ALDH18A1: variants seen among roughly 807,000 people sequenced by gnomAD.
ALDH18A1 encodes the protein aldehyde dehydrogenase 18 family member A1, also known as delta-1-pyrroline-5-carboxylate synthase.
Under a neutral mutation model 88.8 loss-of-function variants are expected in ALDH18A1, and 44 were observed. That is an observed-to-expected ratio of 0.50 (90% confidence interval 0.39 to 0.64). The LOEUF is 0.64. Among genes scored for constraint, ALDH18A1 ranks in the 30% least tolerant of loss-of-function variants. ALDH18A1 has a pLI of 0.00. For missense variants in ALDH18A1, 782 were observed against 1,009.5 expected (o/e 0.77, Z 3.05); for synonymous variants, 331 against 372.1 (o/e 0.89, Z 1.27).
At chr10:95,628,617 C>T in intron 7 of ALDH18A1, 125 bp from the exon 8 acceptor site, 1 of 1,142,776 alleles carries the variant, frequency 8.8e-7, no homozygotes, top group Non-Finnish European at 1.3e-6. Flanking sequence ...GCACTACCAC[C>T]TGCTTTAACC....
At position 95,639,107 on chromosome 10, in the gene ALDH18A1, C is replaced by T. The variant is rs145282135; in HGVS notation, c.304-1671G>A. Among the ~76,000 whole-genome samples the T allele has an allele frequency of 1.6e-3, 245 of 152,022 alleles. 2 individuals carry two copies. The South Asian group carries it at 0.022, about 14-fold the overall frequency. Reference sequence around the variant, plus strand: ...AAAGTTTCAGCTGGCTGAGGTGGGACGACTGCTTGAGGCCAGGAATTCGAA... The same window carrying T: ...AAAGTTTCAGCTGGCTGAGGTGGGATGACTGCTTGAGGCCAGGAATTCGAA... On this transcript the variant is annotated intron_variant, in intron 3 of 17. Coordinates refer to ENST00000371224, the MANE Select transcript of ALDH18A1 (RefSeq NM_002860.4).
At chr10:95,656,153 G>T (rs1386070234) in intron 1 of ALDH18A1, among the ~76,000 whole-genome samples, 1 of 152,138 alleles carries the variant, frequency 6.6e-6, no homozygotes, top group South Asian at 2.1e-4. Context: ...GAGAGTCAGC[G>T]TGCGGCCAGC....
intron 2 of ALDH18A1, among the ~76,000 whole-genome samples, chr10:95,651,904 T>C (rs1306281495): frequency 6.6e-6 from 1 of 152,238 alleles, no homozygotes. Flanking sequence ...GAAAACTATG[T>C]TCACACAAAA....
At chr10:95,625,827 G>A (rs2097859623) in intron 10 of ALDH18A1, among the ~76,000 whole-genome samples, 1 of 152,004 alleles carries the variant, frequency 6.6e-6, no homozygotes, top group Non-Finnish European at 1.5e-5. Context: ...AGGAGATTAT[G>A]TAACTGTACA....
intron 1 of ALDH18A1, among the ~76,000 whole-genome samples, chr10:95,655,915 T>C (rs1295127695): frequency 6.6e-6 from 1 of 152,130 alleles, no homozygotes; most frequent in Non-Finnish European, 1.5e-5. Flanking sequence ...CACAAACACA[T>C]GCTCGGTATA....
intron 3 of ALDH18A1, among the ~76,000 whole-genome samples, chr10:95,638,664 C>T (rs1269774569): frequency 6.6e-6 from 1 of 152,104 alleles, no homozygotes; most frequent in Non-Finnish European, 1.5e-5. Context: ...ACACCAGGGG[C>T]ACATGCTGAC....
At chr10:95,619,057 T>C (rs886251849) in intron 12 of ALDH18A1, among the ~76,000 whole-genome samples, 1 of 152,170 alleles carries the variant, frequency 6.6e-6, no homozygotes, top group African/African-American at 2.4e-5. Context: ...CACACAATTG[T>C]CTTTGGGAAA....
At chr10:95,633,395 C>A in intron 6 of ALDH18A1, 96 bp downstream of exon 6, 1 of 1,485,928 alleles carries the variant, frequency 6.7e-7, no homozygotes, top group Non-Finnish European at 9.2e-7. Context: ...ACAACTTTTC[C>A]ATCTTGTTTA....
At chr10:95,656,009 G>GCCCA (rs946749451) in intron 1 of ALDH18A1, among the ~76,000 whole-genome samples, 1 of 152,034 alleles carries the variant, frequency 6.6e-6, no homozygotes, top group African/African-American at 2.4e-5. Context: ...GACGAGGTGG[G>GCCCA]GTATGTGGGT....
rs1364335448 is a variant in ALDH18A1, at chr10:95,620,946, A to G, written c.1467+85T>C. ...CTAGAACTTAAATTAAAAAAAAAAA[A>G]AAAGAAAAGAAAATATATTCTTCCT... is the stretch of plus-strand genomic sequence containing the variant. On this transcript the variant is annotated intron_variant, in intron 12 of 17. Transcript: ENST00000371224. The G allele has an allele frequency of 1.1e-5, 15 of 1,369,036 alleles. No homozygotes were observed. In the South Asian group the frequency reaches 1.2e-4, roughly 11 times the overall value. 84.8% of individuals were successfully genotyped at this position (1,369,036 alleles called of 1,614,324 possible). A position where few individuals can be genotyped will look rare whatever the true frequency, so the allele number is the denominator to read the frequency against.
At chr10:95,634,315 G>A (rs987002815) in intron 5 of ALDH18A1, among the ~76,000 whole-genome samples, 2 of 151,978 alleles carry the variant, frequency 1.3e-5, no homozygotes, top group East Asian at 1.9e-4. Flanking sequence ...TGTTGTCCAC[G>A]CTGGACTTGA....
In ALDH18A1 at chr10:95,631,817, G is replaced by T. The variant is rs376217592; in HGVS notation, c.808+1142C>A. Reference sequence around the variant, plus strand: ...CACATTAGAACCTTCATACAATGCTGGTGAGAATGTGAAATGGTACAAGGG... The same window carrying T: ...CACATTAGAACCTTCATACAATGCTTGTGAGAATGTGAAATGGTACAAGGG... On this transcript the variant is annotated intron_variant, in intron 7 of 17. Transcript: ENST00000371224. Among the ~76,000 whole-genome samples the T allele has an allele frequency of 5.0e-3, 763 of 151,568 alleles. 2 individuals are homozygous for T. The highest frequency in any genetic ancestry group is 0.017 in the Middle Eastern group (5 of 292).
chr10:95,628,681 C>T (rs1698401196), intron 7 of ALDH18A1, 189 bp from the exon 8 acceptor site: 1 of 639,316 alleles, frequency 1.6e-6, no homozygotes, highest in Non-Finnish European at 2.7e-6. Flanking sequence ...GAAGACTCAC[C>T]TTACATTATT....
intron 3 of ALDH18A1, among the ~76,000 whole-genome samples, chr10:95,642,002 GA>G (rs1168299133): frequency 6.6e-6 from 1 of 152,046 alleles, no homozygotes; most frequent in Admixed American, 6.6e-5. Flanking sequence ...ATTTAGAATA[GA>G]AAATATAAGA....
At chr10:95,645,538 A>T (rs2097899918) in intron 2 of ALDH18A1, among the ~76,000 whole-genome samples, 1 of 152,176 alleles carries the variant, frequency 6.6e-6, no homozygotes, top group Non-Finnish European at 1.5e-5. Context: ...TGGGAAGGCG[A>T]CTATGGGTTC....
chr10:95,649,895 A>G (rs1029356074), intron 2 of ALDH18A1, among the ~76,000 whole-genome samples: 58 of 151,768 alleles, frequency 3.8e-4, no homozygotes, highest in Non-Finnish European at 1.6e-4. Context: ...AATAAAAAAA[A>G]AAAACAAAGA....
Position 95,616,488 on chromosome 10 carries a change from C to A in ALDH18A1, c.1594G>T (p.Ala532Ser). ...EALSIHGVKEAVQLVNTREEV... is the reference protein window; with the variant it reads ...EALSIHGVKESVQLVNTREEV... ...TCCCAGGGACCTACCAGTTGCACGG[C>A]CTCCTTGACTCCATGGATTGAGAGA... Residue 532 changes from alanine (A) to serine (S), a missense_variant, in exon 13 of 18, where the codon GCC becomes TCC. Physicochemically the swap from Ala to Ser is moderately conservative, Grantham distance 99 (BLOSUM62 1). Transcript: ENST00000371224. 6.4e-7 allele frequency: 1 copy of A among 1,567,432 alleles called. No homozygotes were observed.
rs1026050234 is a variant in ALDH18A1, at chr10:95,622,933, T to G, written c.1247-1682A>C. 2.0e-5 allele frequency among the ~76,000 whole-genome samples: 3 copies of G among 152,120 alleles called. No homozygotes were observed. The South Asian group carries it at 6.2e-4, about 32-fold the overall frequency. On this transcript the variant is annotated intron_variant, in intron 11 of 17. Coordinates refer to ENST00000371224, the MANE Select transcript of ALDH18A1 (RefSeq NM_002860.4). Reference sequence around the variant, plus strand: ...TCTTCATATATATACATGTATATACTCAGGAAGACCATTTGAAATCATATA... The same window carrying G: ...TCTTCATATATATACATGTATATACGCAGGAAGACCATTTGAAATCATATA...
intron 11 of ALDH18A1, among the ~76,000 whole-genome samples, chr10:95,622,686 C>T (rs1282980745): frequency 3.3e-5 from 5 of 152,050 alleles, no homozygotes; most frequent in African/African-American, 7.2e-5. Flanking sequence ...TACAGGCGCC[C>T]GCCACCACAC....
Sources: allele counts gnomAD v4.1 joint callset (sites outside exome capture counted in the v4.1 genomes callset), GRCh38; gene constraint gnomAD v4.1.1; transcripts MANE v1.5; gene names NCBI Gene and HGNC (gene_info 2026-07-23, HGNC 2026-07-21).